The following CCDC13 variants were observed in gnomAD, a reference collection of about 807,000 sequenced individuals.
CCDC13 encodes the protein coiled-coil domain-containing protein 13.
In CCDC13, 70 loss-of-function variants were observed where a neutral mutation model predicts 87.3. The observed-to-expected ratio is 0.80, with a 90% CI of 0.66 to 0.98. The LOEUF is 0.98. CCDC13 is among the 50% of genes least tolerant of loss of function. CCDC13 has a pLI of 0.00. For missense variants in CCDC13, 842 were observed against 892.0 expected (o/e 0.94, Z 0.71); for synonymous variants, 317 against 360.3 (o/e 0.88, Z 1.36).
chr3:42,733,292 G>A (rs555718894), intron 11 of CCDC13, among the ~76,000 whole-genome samples, 178 bp downstream of exon 11: 4 of 152,320 alleles, frequency 2.6e-5, no homozygotes, highest in East Asian at 1.9e-4. Flanking sequence ...GGGCCTAACC[G>A]GCTCATTTCT....
intron 10 of CCDC13, among the ~76,000 whole-genome samples, chr3:42,734,742 G>C (rs976771614): frequency 2.6e-5 from 4 of 152,194 alleles, no homozygotes; most frequent in African/African-American, 9.7e-5. Context: ...GAGGCTGCAA[G>C]GCTCCTTTGT....
intron 8 of CCDC13, among the ~76,000 whole-genome samples, chr3:42,742,613 C>T (rs374666941): frequency 4.6e-5 from 7 of 152,266 alleles, no homozygotes; most frequent in South Asian, 2.1e-4. Context: ...GACCCTCCCC[C>T]TCTCCCTTTT....
rs1559644471 is a variant in CCDC13 at position 42,732,874 on chromosome 3, CG to C, written c.1595+12del. On this transcript the variant is annotated intron_variant, in intron 12 of 15. Transcript: ENST00000310232. ...GAAAAAACTGTGAGAGTCCGGGGGT[CG>C]GGGGTCCATACCTAGGTGAGGTCCT... is the stretch of plus-strand genomic sequence containing the variant. The C allele has an allele frequency of 1.9e-6, 3 of 1,549,564 alleles. No homozygotes were observed. The highest frequency in any genetic ancestry group is 1.2e-5 in the South Asian group (1 of 83,894).
At chr3:42,762,880 T>C (rs1333314549) in intron 1 of CCDC13, among the ~76,000 whole-genome samples, 1 of 151,986 alleles carries the variant, frequency 6.6e-6, no homozygotes, top group African/African-American at 2.4e-5. Flanking sequence ...GCCCAGGAGG[T>C]TGAGACTACA....
intron 1 of CCDC13, among the ~76,000 whole-genome samples, chr3:42,772,542 T>C (rs865973303): frequency 6.2e-4 from 95 of 152,350 alleles, no homozygotes; most frequent in South Asian, 2.9e-3. Flanking sequence ...TCTTTTCTTT[T>C]ACTGTGTTCT....
In CCDC13 at chr3:42,771,578, G is replaced by A. The variant is rs539291352; in HGVS notation, c.-7+1598C>T. 3.3e-5 allele frequency among the ~76,000 whole-genome samples: 5 copies of A among 152,190 alleles called. No homozygotes were observed. In the East Asian group the frequency reaches 9.7e-4, roughly 30 times the overall value. On this transcript the variant is annotated intron_variant, in intron 1 of 15. Transcript: ENST00000310232. Reference sequence around the variant, plus strand: ...GAGACCAGCTTGGGCAACATAGCAAGACCATAGCTTTACAAAAAATAAAAA... The same window carrying A: ...GAGACCAGCTTGGGCAACATAGCAAAACCATAGCTTTACAAAAAATAAAAA...
At chr3:42,772,537 T>C (rs1700151375) in intron 1 of CCDC13, among the ~76,000 whole-genome samples, 1 of 152,190 alleles carries the variant, frequency 6.6e-6, no homozygotes. Context: ...TTTCTTCTTT[T>C]CTTTTACTGT....
intron 1 of CCDC13, among the ~76,000 whole-genome samples, chr3:42,763,966 G>A (rs1018197209): frequency 2.6e-5 from 4 of 152,272 alleles, no homozygotes; most frequent in Non-Finnish European, 4.4e-5. Flanking sequence ...GATATATACC[G>A]ATTTGGTCCA....
intron 5 of CCDC13, among the ~76,000 whole-genome samples, chr3:42,747,899 C>A (rs1013295580): frequency 1.3e-5 from 2 of 152,202 alleles, no homozygotes; most frequent in African/African-American, 4.8e-5. Flanking sequence ...ATCTGCCTCT[C>A]CCAGAATCGT....
At chr3:42,728,810 A>G (rs1194957758) in intron 13 of CCDC13, among the ~76,000 whole-genome samples, 3 of 152,184 alleles carry the variant, frequency 2.0e-5, no homozygotes, top group Admixed American at 6.5e-5. Context: ...GACACAGAGT[A>G]GCAGGAGGAA....
At chr3:42,746,094 G>T in intron 6 of CCDC13, 67 bp from the exon 7 acceptor site, 3 of 1,113,942 alleles carry the variant, frequency 2.7e-6, no homozygotes, top group South Asian at 1.2e-5. Context: ...ATGCTGCTAC[G>T]TATTTAGAAG....
intron 9 of CCDC13, 74 bp from the exon 10 acceptor site, chr3:42,735,987 C>A: frequency 7.1e-7 from 1 of 1,404,596 alleles, no homozygotes; most frequent in Middle Eastern, 2.2e-4. Context: ...AACAGACTGC[C>A]TCCCTCACCC....
At chr3:42,771,508 A>C (rs1207173458) in intron 1 of CCDC13, among the ~76,000 whole-genome samples, 2 of 152,082 alleles carry the variant, frequency 1.3e-5, no homozygotes, top group Admixed American at 6.6e-5. Flanking sequence ...TAATCTCAAC[A>C]CTCTACGAAG....
rs1699616840 is a variant in CCDC13, at chr3:42,752,713, T to C, written c.375A>G (p.Thr125=). The change falls in exon 4 of 16, where the codon ACA becomes ACG. Residue 125 remains threonine (T), a synonymous_variant. Transcript: ENST00000310232. ...CGACCACGTCTCCGGCTACACCGGC[T>C]GTCCCTAAAATGAAAGGAATGGTGA... ...IEEDRFAFTG[T]AGVAGDVVAT... 1.2e-6 allele frequency: 2 copies of C among 1,614,096 alleles called. No individual in the cohort carries two copies. Among genetic ancestry groups the C allele is most frequent in the South Asian group, 2.2e-5 (2 of 91,082 alleles).
rs1253461908 is a variant in CCDC13 at position 42,722,865 on chromosome 3, C to T, written c.1718+7602G>A. Among the ~76,000 whole-genome samples the T allele has an allele frequency of 5.5e-5, 8 of 144,830 alleles. No homozygotes were observed. In the East Asian group the frequency reaches 8.2e-4, roughly 15 times the overall value. ...AGGCTGGAGTGCAGTGGCACTATCT[C>T]GGCTCATTGCAAGCTCCGCCTCCCA... On this transcript the variant is annotated intron_variant, in intron 13 of 15. Transcript: ENST00000310232.
rs367895681 is a variant in CCDC13 at position 42,720,136 on chromosome 3, G to A, written c.1719-6820C>T. On this transcript the variant is annotated intron_variant, in intron 13 of 15. Coordinates refer to ENST00000310232, the MANE Select transcript of CCDC13 (RefSeq NM_144719.4). ...GCATTAGATTCTACATAAGGCCTGG[G>A]GACATGTGGAATTAGCCATGCCCCC... Among the ~76,000 whole-genome samples the A allele has an allele frequency of 6.6e-5, 10 of 152,172 alleles. No homozygotes were observed. In the East Asian group the frequency reaches 9.6e-4, roughly 15 times the overall value.
In CCDC13 at chr3:42,707,690, G is replaced by T. The variant is rs1698209054; in HGVS notation, c.*1290C>A. Reference sequence around the variant, plus strand: ...TATGTCTTCACGTGTGGGAATGTGTGTCCACATCCACATGTGTGTGCTCAT... The same window carrying T: ...TATGTCTTCACGTGTGGGAATGTGTTTCCACATCCACATGTGTGTGCTCAT... On this transcript the variant is annotated 3_prime_UTR_variant, in exon 16 of 16. Coordinates refer to ENST00000310232, the MANE Select transcript of CCDC13 (RefSeq NM_144719.4). Among the ~76,000 whole-genome samples the T allele has an allele frequency of 6.6e-6, 1 of 152,228 alleles. No homozygotes were observed. The highest frequency in any genetic ancestry group is 6.5e-5 in the Admixed American group (1 of 15,288).
At chr3:42,752,122 G>T in intron 4 of CCDC13, 97 bp from the exon 5 acceptor site, 1 of 1,052,702 alleles carries the variant, frequency 9.5e-7, no homozygotes, top group Non-Finnish European at 1.4e-6. Flanking sequence ...ACCTATCTTG[G>T]TGGTGTGTCC....
At chr3:42,713,949 C>T (rs1274892927) in intron 13 of CCDC13, 1 of 152,160 alleles carries the variant, frequency 6.6e-6, no homozygotes, top group Non-Finnish European at 1.5e-5. Flanking sequence ...CTGGAGGTTC[C>T]GGGGGAAAAT....
Sources: gnomAD v4.1 joint callset for allele counts (sites outside exome capture counted in the v4.1 genomes callset) on GRCh38, gnomAD v4.1.1 for gene constraint, MANE v1.5 for transcripts, NCBI Gene and HGNC (gene_info 2026-07-23, HGNC 2026-07-21) for gene names.